The following ECT2L variants were observed in gnomAD, a reference collection of about 807,000 sequenced individuals.
ECT2L encodes the protein epithelial cell transforming 2 like.
ECT2L carries 126 observed loss-of-function variants against 122.8 expected under a neutral mutation model. That is an observed-to-expected ratio of 1.03 (90% CI 0.89 to 1.19). The LOEUF (loss-of-function observed/expected upper bound fraction) is 1.19. Among genes scored for constraint, ECT2L ranks in the 50% most tolerant of loss-of-function variants. The pLI is 0.00. For missense variants in ECT2L, 1,012 were observed against 1,064.1 expected, an observed-to-expected ratio of 0.95 and a Z score of 0.68; for synonymous variants, 385 against 381.8, an observed-to-expected ratio of 1.01 and a Z score of -0.10.
At chr6:138,854,294 TC>T in intron 10 of ECT2L, 140 bp downstream of exon 10, 3 of 1,051,060 alleles carry the variant, frequency 2.9e-6, no homozygotes, top group Middle Eastern at 2.8e-4. Context: ...ACTTCACATA[TC>T]CAGGTATTTC....
chr6:138,829,196 C>T (rs932155578), intron 4 of ECT2L, among the ~76,000 whole-genome samples: 1 of 152,056 alleles, frequency 6.6e-6, no homozygotes, highest in Non-Finnish European at 1.5e-5. Flanking sequence ...TGTGAGAAAA[C>T]CTTCTGCGCT....
At chr6:138,874,422 T>C (rs760687290) in intron 13 of ECT2L, among the ~76,000 whole-genome samples, 3 of 152,150 alleles carry the variant, frequency 2.0e-5, no homozygotes, top group Non-Finnish European at 4.4e-5. Flanking sequence ...AAACATATAA[T>C]ATAAAATGAG....
At chr6:138,832,751 GT>G (rs201082126) in intron 4 of ECT2L, among the ~76,000 whole-genome samples, 6 of 149,840 alleles carry the variant, frequency 4.0e-5, no homozygotes, top group East Asian at 2.0e-4. Context: ...TTTTTTTGTT[GT>G]TTTTTTTTTA....
At chr6:138,885,934 C>A in intron 18 of ECT2L, 104 bp downstream of exon 18, 1 of 1,172,672 alleles carries the variant, frequency 8.5e-7, no homozygotes, top group African/African-American at 1.5e-5. Flanking sequence ...TGGGGTTCTT[C>A]GCTTTAAAGT....
rs149487449 is a variant in ECT2L, at chr6:138,813,378, G to A, written c.66+38G>A. On this transcript the variant is annotated intron_variant, in intron 3 of 21. Coordinates refer to ENST00000541398, the MANE Select transcript of ECT2L (RefSeq NM_001077706.3). The stretch of plus-strand genomic sequence containing the variant: ...CTTTAAAACAGAACAAGTTTAATTC[G>A]TAAGGTTAATTTTCCTGTGATATAT... The A allele has an allele frequency of 1.1e-3, 1,686 of 1,510,616 alleles. 19 individuals carry two copies. The African/African-American group carries it at 0.02, about 18-fold the overall frequency. 93.6% of individuals were successfully genotyped at this position (1,510,616 alleles called of 1,614,324 possible).
At chr6:138,838,928 C>T (rs559780622) in intron 5 of ECT2L, among the ~76,000 whole-genome samples, 210 of 152,164 alleles carry the variant, frequency 1.4e-3, no homozygotes, top group South Asian at 7.5e-3. Flanking sequence ...ATTACAGGCG[C>T]GTGCCACCAC....
At chr6:138,815,202 C>G (rs1035744215) in intron 4 of ECT2L, among the ~76,000 whole-genome samples, 1 of 152,084 alleles carries the variant, frequency 6.6e-6, no homozygotes, top group African/African-American at 2.4e-5. Context: ...AATGAATACC[C>G]TAGGGGTCAT....
chr6:138,836,877 A>G (rs1350605316), intron 4 of ECT2L, among the ~76,000 whole-genome samples: 1 of 152,096 alleles, frequency 6.6e-6, no homozygotes, highest in East Asian at 1.9e-4. Flanking sequence ...TGGTATGTCC[A>G]TGATTCTTTA....
chr6:138,856,802 A>T lies in ECT2L; in HGVS notation c.1198+2648A>T, dbSNP rs75610755. On this transcript the variant is annotated intron_variant, in intron 10 of 21. Coordinates refer to ENST00000541398, the MANE Select transcript of ECT2L (RefSeq NM_001077706.3). ...ATTGGTCTAACTTTACTTTGGTGAC[A>T]TAACTGTCAAATGGGATTGCAACAC... Among the ~76,000 whole-genome samples, 397 of 152,332 alleles carry T rather than the reference A, an allele frequency of 2.6e-3. 1 individual carries two copies. The highest frequency in any genetic ancestry group is 9.3e-3 in the African/African-American group (385 of 41,568).
chr6:138,820,187 T>A (rs1776226877), intron 4 of ECT2L, among the ~76,000 whole-genome samples: 1 of 152,210 alleles, frequency 6.6e-6, no homozygotes, highest in Non-Finnish European at 1.5e-5. Context: ...AGGGTTGGAC[T>A]AAATTCATCA....
intron 4 of ECT2L, among the ~76,000 whole-genome samples, chr6:138,818,875 G>A (rs1011688402): frequency 6.6e-5 from 10 of 152,154 alleles, no homozygotes; most frequent in Non-Finnish European, 1.0e-4. Flanking sequence ...ATCCGGGGGT[G>A]GGGGGTTCTT....
chr6:138,869,361 C>T (rs549550291), intron 13 of ECT2L, among the ~76,000 whole-genome samples: 1 of 152,300 alleles, frequency 6.6e-6, no homozygotes, highest in African/African-American at 2.4e-5. Flanking sequence ...TTAACATTGT[C>T]TCTGCACACA....
chr6:138,825,855 G>C (rs1776430230), intron 4 of ECT2L, among the ~76,000 whole-genome samples: 1 of 152,114 alleles, frequency 6.6e-6, no homozygotes. Flanking sequence ...CCCAAGCCCA[G>C]TCATTAGTCT....
In ECT2L at chr6:138,886,851, C is replaced by T; in HGVS notation, c.2260-6C>T. The T allele has an allele frequency of 6.2e-7, 1 of 1,611,318 alleles. No homozygotes were observed. The highest frequency in any genetic ancestry group is 8.5e-7 in the Non-Finnish European group (1 of 1,178,482). ...AGTTTGCCTAAAAGTACTTTTTTTC[C>T]CCTAGATGAAGCAAAACATCACTAT... is the stretch of plus-strand genomic sequence containing the variant. On this transcript the variant is annotated splice_polypyrimidine_tract_variant and splice_region_variant and intron_variant, in intron 18 of 21. Coordinates refer to ENST00000541398, the MANE Select transcript of ECT2L (RefSeq NM_001077706.3).
At chr6:138,881,523 TAC>T (rs1449773679) in intron 15 of ECT2L, among the ~76,000 whole-genome samples, 1 of 151,930 alleles carries the variant, frequency 6.6e-6, no homozygotes, top group Admixed American at 6.6e-5. Flanking sequence ...TCAAGTGCAT[TAC>T]AGTTATTGTG....
At chr6:138,813,976 A>G (rs1378535776) in intron 3 of ECT2L, among the ~76,000 whole-genome samples, 1 of 152,036 alleles carries the variant, frequency 6.6e-6, no homozygotes, top group Non-Finnish European at 1.5e-5. Flanking sequence ...TCCTTAATGT[A>G]TGTCTTCCCT....
intron 5 of ECT2L, among the ~76,000 whole-genome samples, chr6:138,842,416 G>A (rs868296123): frequency 1.2e-4 from 18 of 151,784 alleles, no homozygotes; most frequent in Middle Eastern, 3.2e-3. Flanking sequence ...AGCTGAGATC[G>A]CGCCACTGCA....
At chr6:138,835,248 T>C (rs755409057) in intron 4 of ECT2L, among the ~76,000 whole-genome samples, 2 of 152,190 alleles carry the variant, frequency 1.3e-5, no homozygotes, top group East Asian at 3.8e-4. Context: ...CCTCATTTAG[T>C]TAACATTTTA....
At chr6:138,876,682 ACCT>A in intron 14 of ECT2L, 124 bp downstream of exon 14, 1 of 552,150 alleles carries the variant, frequency 1.8e-6, no homozygotes, top group Non-Finnish European at 3.1e-6. Context: ...AAAAAAAAAA[ACCT>A]CAAAAATTAT....
Sources: allele counts gnomAD v4.1 joint callset (sites outside exome capture counted in the v4.1 genomes callset), GRCh38; gene constraint gnomAD v4.1.1; transcripts MANE v1.5; gene names NCBI Gene and HGNC (gene_info 2026-07-23, HGNC 2026-07-21).